UGT2B7: variants seen among roughly 807,000 people sequenced by gnomAD.
UGT2B7 encodes UDP glucuronosyltransferase family 2 member B7.
In UGT2B7, 51 loss-of-function variants were observed where a neutral mutation model predicts 51.9. The observed-to-expected ratio is 0.98, with a 90% CI of 0.78 to 1.24. UGT2B7 has a LOEUF of 1.24. UGT2B7 is among the 50% of genes most tolerant of loss of function. UGT2B7 has a pLI of 0.00. For missense variants in UGT2B7, 727 were observed against 628.4 expected, an observed-to-expected ratio of 1.16 and a Z score of -1.68; for synonymous variants, 225 against 211.6, an observed-to-expected ratio of 1.06 and a Z score of -0.55.
chr4:69,086,140 A>G (rs1450354861), intron 1 of UGT2B7, among the ~76,000 whole-genome samples: 2 of 151,518 alleles, frequency 1.3e-5, no homozygotes, highest in African/African-American at 2.4e-5. Flanking sequence ...ATTGGCATAT[A>G]TTTGTTGTTT....
At chr4:69,101,021 T>C (rs1018498177) in intron 2 of UGT2B7, among the ~76,000 whole-genome samples, 2 of 152,098 alleles carry the variant, frequency 1.3e-5, no homozygotes, top group Non-Finnish European at 2.9e-5. Flanking sequence ...AAAATTAACA[T>C]TGGAAGTAAT....
At chr4:69,083,648 T>G (rs1243460443) in intron 1 of UGT2B7, among the ~76,000 whole-genome samples, 1 of 152,152 alleles carries the variant, frequency 6.6e-6, no homozygotes, top group Non-Finnish European at 1.5e-5. Context: ...TGTAACTTTG[T>G]AAATGTGATT....
chr4:69,074,193 T>C (rs1718655243), intron 1 of UGT2B7, among the ~76,000 whole-genome samples: 1 of 151,982 alleles, frequency 6.6e-6, no homozygotes, highest in Non-Finnish European at 1.5e-5. Flanking sequence ...ATTAAAATAC[T>C]AGTTGGGTGT....
chr4:69,112,540 A>G lies in UGT2B7; in HGVS notation c.1394A>G (p.Glu465Gly), dbSNP rs1577930106. The G allele has an allele frequency of 6.2e-7, 1 of 1,613,934 alleles. No homozygotes were observed. The highest frequency in any genetic ancestry group is 2.2e-5 in the East Asian group (1 of 44,866). ...KPLDRAVFWI[E>G]FVMRHKGAKH... ...CTGGATCGAGCAGTCTTCTGGATTGAATTTGTCATGCGCCACAAAGGAGCT... is the reference window on the plus strand; with the variant it reads ...CTGGATCGAGCAGTCTTCTGGATTGGATTTGTCATGCGCCACAAAGGAGCT... Residue 465 changes from glutamate to glycine, a missense_variant, in exon 6 of 6, where the codon GAA (glutamate) becomes GGA (glycine). Physicochemically the swap from Glu to Gly is moderately conservative, Grantham distance 98. Coordinates refer to ENST00000305231, the MANE Select transcript of UGT2B7 (RefSeq NM_001074.4).
At chr4:69,096,425 A>G (rs1327481123), upstream of UGT2B7, 2 of 1,573,910 alleles carry the variant, frequency 1.3e-6, no homozygotes, top group African/African-American at 2.7e-5. Context: ...TATAAGGGTT[A>G]CATTTTAACT....
chr4:69,096,014 T>C (rs1719212598), upstream of UGT2B7, among the ~76,000 whole-genome samples: 1 of 152,176 alleles, frequency 6.6e-6, no homozygotes, highest in African/African-American at 2.4e-5. Flanking sequence ...AAAAGGGCTC[T>C]CCAACTGATT....
In UGT2B7 at chr4:69,112,772, G is replaced by A. The variant is rs1229115594; in HGVS notation, c.*36G>A. On this transcript the variant is annotated 3_prime_UTR_variant, in exon 6 of 6. Coordinates refer to ENST00000305231, the MANE Select transcript of UGT2B7 (RefSeq NM_001074.4). Reference sequence around the variant, plus strand: ...GATTTGAAGCTGGAAAACCTGATAGGTGAGACTACTTCAGTTTATTCCAGC... The same window carrying A: ...GATTTGAAGCTGGAAAACCTGATAGATGAGACTACTTCAGTTTATTCCAGC... 6.2e-7 allele frequency: 1 copy of A among 1,607,976 alleles called. No homozygotes were observed. Among genetic ancestry groups the A allele is most frequent in the Admixed American group, 1.7e-5 (1 of 58,950 alleles).
Position 69,097,130 on chromosome 4 carries a change from C to T in UGT2B7, c.610C>T (p.Gln204Ter). 3 of 1,613,602 alleles carry T rather than the reference C, an allele frequency of 1.9e-6. No homozygotes were observed. The highest frequency in any genetic ancestry group is 2.7e-5 in the African/African-American group (2 of 74,994). Residue 204 changes from glutamine (Q) to a stop codon, truncating the protein, a stop_gained, in exon 1 of 6, where the codon CAA becomes TAA. Coordinates refer to ENST00000305231, the MANE Select transcript of UGT2B7 (RefSeq NM_001074.4). LOFTEE classifies it high-confidence loss of function. ...TGTTGTTATGTCAGAATTAACTGATCAAATGACTTTCATGGAGAGGGTAAA... is the reference window on the plus strand; with the variant it reads ...TGTTGTTATGTCAGAATTAACTGATTAAATGACTTTCATGGAGAGGGTAAA... Reference protein sequence around the residue: ...VPVVMSELTDQMTFMERVKNM... With the variant: ...VPVVMSELTD
chr4:69,062,396 C>A (rs193110507), intron 1 of UGT2B7, among the ~76,000 whole-genome samples: 171 of 152,294 alleles, frequency 1.1e-3, no homozygotes, highest in African/African-American at 4.0e-3. Context: ...TGGCTAAGCG[C>A]AGGAAAGAAT....
At chr4:69,097,456 C>A (rs1427736183) in intron 1 of UGT2B7, among the ~76,000 whole-genome samples, 1 of 152,010 alleles carries the variant, frequency 6.6e-6, no homozygotes, top group African/African-American at 2.4e-5. Flanking sequence ...ACACAGAACA[C>A]CCCAGGAAAT....
At chr4:69,110,141 C>CGTGT (rs1719730678) in intron 5 of UGT2B7, among the ~76,000 whole-genome samples, 1 of 151,792 alleles carries the variant, frequency 6.6e-6, no homozygotes, top group Non-Finnish European at 1.5e-5. Context: ...ATGATACAAA[C>CGTGT]GCACATACAT....
intron 1 of UGT2B7, among the ~76,000 whole-genome samples, chr4:69,068,655 A>T (rs1718534045): frequency 6.6e-6 from 1 of 151,946 alleles, no homozygotes; most frequent in African/African-American, 2.4e-5. Flanking sequence ...TATGTAACCC[A>T]ATTGTATGAA....
intron 1 of UGT2B7, among the ~76,000 whole-genome samples, chr4:69,064,297 T>C (rs1718442625): frequency 6.6e-6 from 1 of 152,152 alleles, no homozygotes; most frequent in South Asian, 2.1e-4. Context: ...CTCCCAAAAC[T>C]CCTTCAACAT....
Position 69,112,519 on chromosome 4 carries a change from A to G in UGT2B7, c.1373A>G (p.Asp458Gly). ...CATGATCAACCAGTGAAGCCCCTGG[A>G]TCGAGCAGTCTTCTGGATTGAATTT... ...IQHDQPVKPL[D>G]RAVFWIEFVM... Residue 458 changes from aspartate to glycine, a missense_variant, in exon 6 of 6, where the codon GAT becomes GGT. Coordinates refer to ENST00000305231, the MANE Select transcript of UGT2B7 (RefSeq NM_001074.4). 1 of 1,613,978 alleles carries G rather than the reference A, an allele frequency of 6.2e-7. No individual in the cohort carries two copies. The highest frequency in any genetic ancestry group is 8.5e-7 in the Non-Finnish European group (1 of 1,179,860).
chr4:69,110,565 A>T (rs1305599328), intron 5 of UGT2B7, among the ~76,000 whole-genome samples: 2 of 152,136 alleles, frequency 1.3e-5, no homozygotes, highest in South Asian at 4.1e-4. Flanking sequence ...TCTGTGCTTT[A>T]TCAATCAACA....
At chr4:69,101,033 C>G (rs1719403985) in intron 2 of UGT2B7, among the ~76,000 whole-genome samples, 1 of 151,830 alleles carries the variant, frequency 6.6e-6, no homozygotes, top group African/African-American at 2.4e-5. Flanking sequence ...GGAAGTAATC[C>G]AACATCTTAA....
intron 1 of UGT2B7, among the ~76,000 whole-genome samples, chr4:69,066,102 C>T (rs918354784): frequency 3.3e-5 from 5 of 152,138 alleles, no homozygotes; most frequent in Admixed American, 6.6e-5. Flanking sequence ...ACTAGGTGAT[C>T]TCAATGTTTT....
At chr4:69,108,019 A>C in intron 4 of UGT2B7, 84 bp from the exon 5 acceptor site, 1 of 1,517,854 alleles carries the variant, frequency 6.6e-7, no homozygotes, top group Non-Finnish European at 9.0e-7. Flanking sequence ...TTTTAGCTGG[A>C]AAACACTGTC....
At chr4:69,100,384 T>G (rs941532820) in intron 2 of UGT2B7, among the ~76,000 whole-genome samples, 1 of 152,082 alleles carries the variant, frequency 6.6e-6, no homozygotes, top group Non-Finnish European at 1.5e-5. Flanking sequence ...AATATCACAC[T>G]TTTAAGACAT....
Sources: allele counts gnomAD v4.1 joint callset (sites outside exome capture counted in the v4.1 genomes callset), GRCh38; gene constraint gnomAD v4.1.1; transcripts MANE v1.5; gene names NCBI Gene and HGNC (gene_info 2026-07-23, HGNC 2026-07-21).